Variants in TBC1D21 observed in about 807,000 individuals in gnomAD.
TBC1D21 encodes the protein TBC1 domain family member 21.
Under a neutral mutation model 46.0 loss-of-function variants are expected in TBC1D21, and 38 were observed. The ratio of observed to expected loss-of-function variants is 0.83; its 90% CI spans 0.64 to 1.08. TBC1D21 has a LOEUF of 1.08. Among genes scored for constraint, TBC1D21 ranks in the 50% least tolerant of loss-of-function variants. TBC1D21 has a pLI of 0.00. For missense variants in TBC1D21, 415 were observed against 417.9 expected, an observed-to-expected ratio of 0.99 and a Z score of 0.06; for synonymous variants, 151 against 157.2, an observed-to-expected ratio of 0.96 and a Z score of 0.29.
At chr15:73,882,255 T>C (rs774256656) in intron 3 of TBC1D21, among the ~76,000 whole-genome samples, 2 of 152,152 alleles carry the variant, frequency 1.3e-5, no homozygotes, top group African/African-American at 2.4e-5. Context: ...GTGGTGTAAC[T>C]GGTAACGTTT....
downstream of TBC1D21, among the ~76,000 whole-genome samples, chr15:73,889,398 C>T (rs115243517): frequency 1.8e-3 from 270 of 152,232 alleles, 1 homozygote; most frequent in African/African-American, 5.5e-3. Context: ...TCCAAGGCTG[C>T]GGTGGATCCA....
intron 3 of TBC1D21, among the ~76,000 whole-genome samples, chr15:73,882,353 A>G (rs556895749): frequency 6.5e-4 from 99 of 152,202 alleles, no homozygotes; most frequent in African/African-American, 2.3e-3. Context: ...AACCACACTG[A>G]CAGCCTCACT....
At position 73,886,556 on chromosome 15, in the gene TBC1D21, T is replaced by C; in HGVS notation, c.721T>C (p.Cys241Arg). ...GAVQSLFPWF[C>R]FCFQRAFKSF... Reference sequence around the variant, plus strand: ...TGTGCAGTCCCTCTTCCCCTGGTTCTGCTTCTGCTTCCAGCGTGCCTTCAA... The same window carrying C: ...TGTGCAGTCCCTCTTCCCCTGGTTCCGCTTCTGCTTCCAGCGTGCCTTCAA... Residue 241 changes from cysteine (C) to arginine (R), a missense_variant, in exon 8 of 11, where the codon TGC becomes CGC. By Grantham distance (180) the Cys-to-Arg change is radical. Coordinates refer to ENST00000300504, the MANE Select transcript of TBC1D21 (RefSeq NM_153356.3). 1 of 1,613,778 alleles carries C rather than the reference T, an allele frequency of 6.2e-7. No homozygotes were observed. The highest frequency in any genetic ancestry group is 1.1e-5 in the South Asian group (1 of 91,052).
the TBC1D21 span, among the ~76,000 whole-genome samples, chr15:73,904,005 G>A: frequency 2.0e-5 from 3 of 152,156 alleles, no homozygotes; most frequent in East Asian, 1.9e-4. Flanking sequence ...CTGAGATCAC[G>A]CCACTGCACT....
chr15:73,899,832 G>A, the TBC1D21 span, among the ~76,000 whole-genome samples: 2 of 152,162 alleles, frequency 1.3e-5, no homozygotes, highest in Non-Finnish European at 2.9e-5. Flanking sequence ...GAAAGTAAGT[G>A]GGGTAATTAA....
At chr15:73,880,304 C>CCACACACA (rs57897774) in intron 1 of TBC1D21, among the ~76,000 whole-genome samples, 55,183 of 149,206 alleles carry the variant, frequency 0.37, 10,719 homozygotes, top group East Asian at 0.47. Flanking sequence ...CAGATATATA[C>CCACACACA]CACACACACA....
the TBC1D21 span, among the ~76,000 whole-genome samples, chr15:73,903,161 A>G: frequency 1.3e-5 from 2 of 152,278 alleles, no homozygotes; most frequent in African/African-American, 4.8e-5. Flanking sequence ...TGAAAATCAC[A>G]ACCACCTCTG....
intron 9 of TBC1D21, 79 bp downstream of exon 9, chr15:73,887,815 G>A (rs1249498050): frequency 2.5e-6 from 3 of 1,212,316 alleles, no homozygotes; most frequent in Non-Finnish European, 3.6e-6. Flanking sequence ...TGAAAGACCG[G>A]GGTTCATGGG....
rs1334078007 is a variant in TBC1D21, at chr15:73,887,678, T to G, written c.836T>G (p.Leu279Arg). 5.0e-6 allele frequency: 8 copies of G among 1,613,922 alleles called. No individual in the cohort carries two copies. Among genetic ancestry groups the G allele is most frequent in the South Asian group, 2.2e-5 (2 of 91,086 alleles). Reference sequence around the variant, plus strand: ...CAGGTGCTGGTGGCCTACAGCATGCTGCAGATGGTGCGGGAGCAGGTGCTG... The same window carrying G: ...CAGGTGCTGGTGGCCTACAGCATGCGGCAGATGGTGCGGGAGCAGGTGCTG... ...NFQVLVAYSM[L>R]QMVREQVLQE... The change falls in exon 9 of 11, where the codon CTG becomes CGG. Residue 279 changes from leucine (L) to arginine (R), a missense_variant. Leu to Arg is a moderately radical substitution (Grantham distance 102, BLOSUM62 -2). Transcript: ENST00000300504.
Position 73,884,833 on chromosome 15 carries a change from C to A in TBC1D21, c.420C>A (p.Ile140=). The A allele has an allele frequency of 6.2e-7, 1 of 1,614,148 alleles. No individual in the cohort carries two copies. Among genetic ancestry groups the A allele is most frequent in the Non-Finnish European group, 8.5e-7 (1 of 1,180,016 alleles). The change falls in exon 5 of 11, where the codon ATC becomes ATA. Residue 140 remains isoleucine, a synonymous_variant. Coordinates refer to ENST00000300504, the MANE Select transcript of TBC1D21 (RefSeq NM_153356.3). ...YDKDPLGNVL[I]DKKRLEKILL... is the part of the protein sequence containing the mutation. ...AAGATCCCCTGGGCAACGTCCTCAT[C>A]GACAAGAAGAGGCTAGAGAAGATCC...
chr15:73,879,806 C>A (rs1472567012), intron 1 of TBC1D21, among the ~76,000 whole-genome samples: 1 of 152,218 alleles, frequency 6.6e-6, no homozygotes, highest in African/African-American at 2.4e-5. Context: ...AGATATTCTT[C>A]TCTCCAGCAG....
intron 1 of TBC1D21, among the ~76,000 whole-genome samples, chr15:73,874,590 T>C (rs1178173142): frequency 6.6e-6 from 1 of 152,202 alleles, no homozygotes; most frequent in African/African-American, 2.4e-5. Flanking sequence ...GCTTGTTAAG[T>C]GGCAGAAGTT....
chr15:73,881,659 G>A lies in TBC1D21; in HGVS notation c.184G>A (p.Val62Met), dbSNP rs778315942. ...NILERGLHPF[V>M]RTEAWKFLTG... The stretch of plus-strand genomic sequence containing the variant: ...CCCACCCCAGGGTCTGCACCCCTTC[G>A]TGAGGACTGAAGCCTGGAAATTCCT... Residue 62 changes from valine to methionine, a missense_variant, in exon 3 of 11, where the codon GTG becomes ATG. Coordinates refer to ENST00000300504, the MANE Select transcript of TBC1D21 (RefSeq NM_153356.3). The A allele has an allele frequency of 6.1e-5, 99 of 1,612,698 alleles. No individual in the cohort carries two copies. Among genetic ancestry groups the A allele is most frequent in the Non-Finnish European group, 8.2e-5 (97 of 1,179,512 alleles).
intron 1 of TBC1D21, among the ~76,000 whole-genome samples, 191 bp from the exon 2 acceptor site, chr15:73,881,208 G>A (rs368763383): frequency 6.6e-6 from 1 of 152,212 alleles, no homozygotes; most frequent in East Asian, 1.9e-4. Flanking sequence ...GGTGAGTAAT[G>A]TGCATGAAAA....
Position 73,885,059 on chromosome 15 carries a change from G to A in TBC1D21, c.535G>A (p.Asp179Asn), listed in dbSNP as rs199558247. ...GCTCTTCCAGCTGATGGTGGAGCACGACCACGAGACCTTCTGGCTTTTCCA... is the reference window on the plus strand; with the variant it reads ...GCTCTTCCAGCTGATGGTGGAGCACAACCACGAGACCTTCTGGCTTTTCCA... ...MMLFQLMVEH[D>N]HETFWLFQFF... The change falls in exon 6 of 11, where the codon GAC becomes AAC. Residue 179 changes from aspartate to asparagine, a missense_variant. Coordinates refer to ENST00000300504, the MANE Select transcript of TBC1D21 (RefSeq NM_153356.3). The A allele has an allele frequency of 8.4e-5, 135 of 1,612,018 alleles. No individual in the cohort carries two copies. The highest frequency in any genetic ancestry group is 1.1e-4 in the Non-Finnish European group (124 of 1,179,574).
chr15:73,884,958 G>A (rs1308140641), intron 5 of TBC1D21, 45 bp from the exon 6 acceptor site: 1 of 1,605,282 alleles, frequency 6.2e-7, no homozygotes, highest in Non-Finnish European at 8.5e-7. Flanking sequence ...AAGGGTCCAG[G>A]CTCTCCCACC....
chr15:73,902,083 G>A, the TBC1D21 span, among the ~76,000 whole-genome samples: 1 of 152,136 alleles, frequency 6.6e-6, no homozygotes, highest in Non-Finnish European at 1.5e-5. Context: ...CAAAGTTCTG[G>A]AAATTACAGA....
chr15:73,905,163 A>G, the TBC1D21 span, among the ~76,000 whole-genome samples: 2,301 of 152,264 alleles, frequency 0.015, 44 homozygotes, highest in African/African-American at 0.053. Flanking sequence ...CCCAGCCATC[A>G]TGTGAATACC....
rs556028941 is a variant in TBC1D21, at chr15:73,888,578, C to T, written c.978+65C>T. ...TCCTCCTCCTCTTCCTCCTCCTCCT[C>T]CTCTTCCTCCTCCTCCTCCTCCTCC... is the stretch of plus-strand genomic sequence containing the variant. On this transcript the variant is annotated intron_variant, in intron 10 of 10. Coordinates refer to ENST00000300504, the MANE Select transcript of TBC1D21 (RefSeq NM_153356.3). 2.1e-5 allele frequency: 22 copies of T among 1,057,924 alleles called. No homozygotes were observed. The Middle Eastern group carries it at 7.5e-4, about 36-fold the overall frequency. 65.5% of individuals were successfully genotyped at this position (1,057,924 alleles called of 1,614,324 possible). A position where few individuals can be genotyped will look rare whatever the true frequency, so the allele number is the denominator to read the frequency against.
Sources: allele counts gnomAD v4.1 joint callset (sites outside exome capture counted in the v4.1 genomes callset), GRCh38; gene constraint gnomAD v4.1.1; transcripts MANE v1.5; gene names NCBI Gene and HGNC (gene_info 2026-07-23, HGNC 2026-07-21).